Variants in CCSER1 observed in about 807,000 individuals in gnomAD.
CCSER1 encodes coiled-coil serine rich protein 1.
Under a neutral mutation model 82.0 loss-of-function variants are expected in CCSER1, and 41 were observed. The ratio of observed to expected loss-of-function variants is 0.50; its 90% CI spans 0.39 to 0.65. CCSER1 has a LOEUF of 0.65. Among genes scored for constraint, CCSER1 ranks in the 30% least tolerant of loss-of-function variants. CCSER1 has a pLI of 0.00. For missense variants in CCSER1, 1,119 were observed against 1,064.2 expected, an observed-to-expected ratio of 1.05 and a Z score of -0.72; for synonymous variants, 414 against 383.9, an observed-to-expected ratio of 1.08 and a Z score of -0.92.
intron 3 of CCSER1, among the ~76,000 whole-genome samples, chr4:90,364,737 A>G (rs1479585156): frequency 6.6e-6 from 1 of 152,018 alleles, no homozygotes; most frequent in Admixed American, 6.6e-5. Context: ...TAGTGTGATG[A>G]TGTAGATATT....
intron 5 of CCSER1, among the ~76,000 whole-genome samples, chr4:90,481,813 A>T (rs1226340390): frequency 1.3e-5 from 2 of 152,278 alleles, no homozygotes; most frequent in Non-Finnish European, 2.9e-5. Flanking sequence ...TTCATCAAGG[A>T]TATTGGTCTA....
intron 10 of CCSER1, among the ~76,000 whole-genome samples, chr4:91,439,672 T>C (rs1170975376): frequency 3.3e-5 from 5 of 151,800 alleles, no homozygotes; most frequent in African/African-American, 9.7e-5. Context: ...GACTGGCAAA[T>C]TGGATAAAGA....
At chr4:91,316,184 T>C (rs1335188578) in intron 10 of CCSER1, among the ~76,000 whole-genome samples, 1 of 152,020 alleles carries the variant, frequency 6.6e-6, no homozygotes, top group East Asian at 1.9e-4. Flanking sequence ...AAATATCTTT[T>C]TATTTATAAA....
chr4:90,152,971 C>G (rs1353047376), intron 1 of CCSER1, among the ~76,000 whole-genome samples: 1 of 150,592 alleles, frequency 6.6e-6, no homozygotes, highest in Non-Finnish European at 1.5e-5. Context: ...TGCCATGCTG[C>G]TGTGCTGCAC....
intron 1 of CCSER1, among the ~76,000 whole-genome samples, chr4:90,184,576 G>A (rs1274904250): frequency 1.3e-5 from 2 of 152,010 alleles, no homozygotes; most frequent in Non-Finnish European, 2.9e-5. Context: ...TTTATTAATC[G>A]AATAAAAATG....
At chr4:91,410,199 A>G (rs1260901434) in intron 10 of CCSER1, among the ~76,000 whole-genome samples, 1 of 152,206 alleles carries the variant, frequency 6.6e-6, no homozygotes, top group East Asian at 1.9e-4. Context: ...TTTCACTGTT[A>G]TTCCTACTGG....
intron 9 of CCSER1, among the ~76,000 whole-genome samples, chr4:91,076,951 G>A (rs1722062167): frequency 6.6e-6 from 1 of 152,190 alleles, no homozygotes; most frequent in Non-Finnish European, 1.5e-5. Flanking sequence ...TACCAGAGAG[G>A]AGGGAAATAC....
intron 1 of CCSER1, among the ~76,000 whole-genome samples, chr4:90,267,852 C>A (rs1220583756): frequency 6.6e-6 from 1 of 152,126 alleles, no homozygotes; most frequent in Non-Finnish European, 1.5e-5. Flanking sequence ...CTTCTAACAC[C>A]TGGAAAACCT....
At chr4:90,673,322 G>A (rs1409979372) in intron 6 of CCSER1, among the ~76,000 whole-genome samples, 1 of 151,846 alleles carries the variant, frequency 6.6e-6, no homozygotes, top group African/African-American at 2.4e-5. Context: ...TGAAAATTAT[G>A]TTTAAACTTA....
At chr4:90,907,441 C>T (rs544213091) in intron 8 of CCSER1, among the ~76,000 whole-genome samples, 1 of 152,142 alleles carries the variant, frequency 6.6e-6, no homozygotes, top group South Asian at 2.1e-4. Flanking sequence ...TGTCTGTATT[C>T]ATCATTTTTT....
chr4:91,545,224 G>A (rs550707272), intron 10 of CCSER1, among the ~76,000 whole-genome samples: 2 of 152,110 alleles, frequency 1.3e-5, no homozygotes, highest in African/African-American at 2.4e-5. Flanking sequence ...GGTACCATCT[G>A]TCATGGCTTC....
At position 90,479,646 on chromosome 4, in the gene CCSER1, G is replaced by A. The variant is rs143823863; in HGVS notation, c.1724+11292G>A. 4.9e-3 allele frequency among the ~76,000 whole-genome samples: 740 copies of A among 152,050 alleles called. 4 individuals carry two copies. Among genetic ancestry groups the A allele is most frequent in the African/African-American group, 0.017 (710 of 41,456 alleles). The stretch of plus-strand genomic sequence containing the variant: ...GCGGTGTTTGGTTTTTTGTCCTTGC[G>A]ATAGTTTGCTGAGAATGATGGCTGC... On this transcript the variant is annotated intron_variant, in intron 5 of 10. Transcript: ENST00000509176.
At chr4:90,486,121 C>T (rs1302956781) in intron 5 of CCSER1, among the ~76,000 whole-genome samples, 1 of 152,142 alleles carries the variant, frequency 6.6e-6, no homozygotes, top group African/African-American at 2.4e-5. Context: ...TCAAATAAAA[C>T]ATTCATGGGC....
At chr4:90,933,166 TG>T (rs1730430902) in intron 9 of CCSER1, among the ~76,000 whole-genome samples, 2 of 116,010 alleles carry the variant, frequency 1.7e-5, no homozygotes, top group Middle Eastern at 4.2e-3. Flanking sequence ...TGTGTGTGTG[TG>T]TGTGTGTGTG....
intron 9 of CCSER1, among the ~76,000 whole-genome samples, chr4:91,077,832 G>C (rs1363660693): frequency 6.6e-6 from 1 of 152,208 alleles, no homozygotes; most frequent in Non-Finnish European, 1.5e-5. Flanking sequence ...CATGGCCATG[G>C]AGCCTCACTA....
At chr4:91,591,257 C>A (rs1764256777) in intron 10 of CCSER1, among the ~76,000 whole-genome samples, 1 of 152,028 alleles carries the variant, frequency 6.6e-6, no homozygotes, top group Admixed American at 6.6e-5. Flanking sequence ...TTATAAATTT[C>A]AATATTTTAT....
At chr4:90,147,765 T>C (rs950024449) in intron 1 of CCSER1, among the ~76,000 whole-genome samples, 1 of 152,152 alleles carries the variant, frequency 6.6e-6, no homozygotes, top group Non-Finnish European at 1.5e-5. Context: ...GCTGTACTAA[T>C]GTGCCCTTAA....
At chr4:90,389,944 T>C (rs1299690930) in intron 3 of CCSER1, among the ~76,000 whole-genome samples, 3 of 152,212 alleles carry the variant, frequency 2.0e-5, no homozygotes, top group Non-Finnish European at 4.4e-5. Context: ...CTTTTTAACT[T>C]GTCTGTCATT....
chr4:90,820,232 A>G (rs1759553855), intron 8 of CCSER1, among the ~76,000 whole-genome samples: 1 of 152,134 alleles, frequency 6.6e-6, no homozygotes, highest in Admixed American at 6.6e-5. Context: ...ATTTTTCTCT[A>G]TTTGGGCATT....
Sources: allele counts gnomAD v4.1 joint callset (sites outside exome capture counted in the v4.1 genomes callset), GRCh38; gene constraint gnomAD v4.1.1; transcripts MANE v1.5; gene names NCBI Gene and HGNC (gene_info 2026-07-23, HGNC 2026-07-21).